The following RAD51B variants were observed in gnomAD, a reference collection of about 807,000 sequenced individuals.
The protein encoded by RAD51B is RAD51 paralog B.
Under a neutral mutation model 42.2 loss-of-function variants are expected in RAD51B, and 38 were observed. The observed-to-expected ratio is 0.90, with a 90% CI of 0.70 to 1.18. RAD51B has a LOEUF of 1.18. Ranked by LOEUF, RAD51B falls within the 50% of genes most tolerant of loss-of-function variation. RAD51B has a pLI of 0.00. For synonymous variants in RAD51B, 154 were observed against 145.2 expected, an observed-to-expected ratio of 1.06 and a Z score of -0.43; for missense variants, 373 against 400.7, an observed-to-expected ratio of 0.93 and a Z score of 0.59.
chr14:68,484,335 A>G (rs1883436447), intron 10 of RAD51B, among the ~76,000 whole-genome samples: 1 of 150,326 alleles, frequency 6.7e-6, no homozygotes, highest in Non-Finnish European at 1.5e-5. Flanking sequence ...TTTTAGTTAC[A>G]GTTGGGCTAT....
intron 7 of RAD51B, among the ~76,000 whole-genome samples, chr14:68,097,716 C>T (rs995195942): frequency 3.9e-5 from 6 of 152,140 alleles, no homozygotes; most frequent in Admixed American, 2.0e-4. Context: ...ACTGGAAAAA[C>T]GTATCTTCCT....
intron 10 of RAD51B, among the ~76,000 whole-genome samples, chr14:68,507,547 G>A (rs905411480): frequency 4.6e-5 from 7 of 152,116 alleles, no homozygotes; most frequent in Admixed American, 6.5e-5. Flanking sequence ...ACCTGTAAGC[G>A]AACATTCTGC....
intron 8 of RAD51B, among the ~76,000 whole-genome samples, chr14:68,371,166 A>G (rs1348597222): frequency 6.6e-6 from 1 of 152,130 alleles, no homozygotes; most frequent in Non-Finnish European, 1.5e-5. Context: ...GGCCAAAAAA[A>G]TCTAGAATGT....
At chr14:67,895,767 C>G (rs1384548256) in intron 7 of RAD51B, among the ~76,000 whole-genome samples, 2 of 151,980 alleles carry the variant, frequency 1.3e-5, no homozygotes, top group East Asian at 3.9e-4. Flanking sequence ...CCTACTCCTC[C>G]CATGTTGTCA....
intron 10 of RAD51B, among the ~76,000 whole-genome samples, chr14:68,500,581 T>A (rs550008396): frequency 6.6e-6 from 1 of 152,314 alleles, no homozygotes; most frequent in East Asian, 1.9e-4. Flanking sequence ...GTTGGAGTGA[T>A]GGGTTGATTG....
intron 7 of RAD51B, among the ~76,000 whole-genome samples, chr14:67,920,737 G>A (rs1230212818): frequency 6.6e-6 from 1 of 152,056 alleles, no homozygotes; most frequent in Non-Finnish European, 1.5e-5. Context: ...CTTGGTCTTA[G>A]GAATACAGGA....
chr14:68,383,931 C>A (rs1214378434), intron 8 of RAD51B, among the ~76,000 whole-genome samples: 1 of 152,190 alleles, frequency 6.6e-6, no homozygotes, highest in African/African-American at 2.4e-5. Context: ...GTGTCAATCC[C>A]AAGGACCTAT....
intron 4 of RAD51B, among the ~76,000 whole-genome samples, chr14:67,852,028 A>G (rs777576562): frequency 2.3e-4 from 35 of 151,574 alleles, no homozygotes; most frequent in Non-Finnish European, 4.4e-4. Context: ...CTGGAGGTCT[A>G]CTTACTCTCA....
chr14:68,569,317 C>G (rs1168726188), intron 10 of RAD51B, among the ~76,000 whole-genome samples: 3 of 152,236 alleles, frequency 2.0e-5, no homozygotes, highest in East Asian at 3.8e-4. Context: ...GCCTCTCTCT[C>G]CCTCTTCTCC....
intron 7 of RAD51B, among the ~76,000 whole-genome samples, chr14:68,187,321 AG>A (rs1166888820): frequency 2.6e-5 from 4 of 152,174 alleles, no homozygotes; most frequent in African/African-American, 9.7e-5. Flanking sequence ...CTATATATCC[AG>A]GTAACAAACT....
intron 8 of RAD51B, among the ~76,000 whole-genome samples, chr14:68,398,876 AGCAAATGCCTAATACAT>A (rs1236628113): frequency 2.0e-5 from 3 of 152,218 alleles, no homozygotes; most frequent in Admixed American, 6.5e-5. Context: ...CAGGCAAAAC[AGCAAATGCCTAATACAT>A]GATTTTTTTT....
chr14:68,569,583 A>G (rs965972078), intron 10 of RAD51B, among the ~76,000 whole-genome samples: 2 of 152,222 alleles, frequency 1.3e-5, no homozygotes, highest in Admixed American at 6.5e-5. Context: ...AATAGCTGCA[A>G]TGTGCTGTCA....
chr14:68,391,136 G>GTCTGTCTTTCTT (rs1555402752), intron 8 of RAD51B, among the ~76,000 whole-genome samples: 1 of 141,558 alleles, frequency 7.1e-6, no homozygotes, highest in African/African-American at 2.7e-5. Flanking sequence ...TATGAGACTT[G>GTCTGTCTTTCTT]TCTTTCTTTC....
At chr14:68,117,856 A>C (rs2077576658) in intron 7 of RAD51B, among the ~76,000 whole-genome samples, 1 of 152,218 alleles carries the variant, frequency 6.6e-6, no homozygotes, top group Non-Finnish European at 1.5e-5. Flanking sequence ...CGATGCTGTC[A>C]TTGCAAGAAA....
At chr14:68,042,674 A>C (rs1257792547) in intron 7 of RAD51B, among the ~76,000 whole-genome samples, 1 of 152,176 alleles carries the variant, frequency 6.6e-6, no homozygotes, top group Non-Finnish European at 1.5e-5. Context: ...GCATAGAATA[A>C]ACATTCTTTG....
intron 11 of RAD51B, among the ~76,000 whole-genome samples, chr14:68,682,067 G>T (rs1893443090): frequency 6.6e-6 from 1 of 152,024 alleles, no homozygotes; most frequent in Non-Finnish European, 1.5e-5. Flanking sequence ...TTAAAAAAAA[G>T]AATTCCCACC....
At chr14:68,602,822 C>T (rs1276022329) in intron 10 of RAD51B, among the ~76,000 whole-genome samples, 1 of 152,176 alleles carries the variant, frequency 6.6e-6, no homozygotes, top group Non-Finnish European at 1.5e-5. Context: ...CTAGGCAAGT[C>T]AACACATAAC....
intron 7 of RAD51B, among the ~76,000 whole-genome samples, chr14:67,952,957 G>A (rs1375180589): frequency 6.6e-6 from 1 of 151,632 alleles, no homozygotes; most frequent in Admixed American, 6.6e-5. Context: ...TAAACTGAAT[G>A]CCTGTAATTA....
At chr14:68,277,500 T>C (rs2081247269) in intron 7 of RAD51B, among the ~76,000 whole-genome samples, 1 of 152,210 alleles carries the variant, frequency 6.6e-6, no homozygotes, top group Non-Finnish European at 1.5e-5. Flanking sequence ...TAGGCCCATT[T>C]ATATGCTGTA....
Sources: gnomAD v4.1 joint callset for allele counts (sites outside exome capture counted in the v4.1 genomes callset) on GRCh38, gnomAD v4.1.1 for gene constraint, MANE v1.5 for transcripts, NCBI Gene and HGNC (gene_info 2026-07-23, HGNC 2026-07-21) for gene names.